Variants in HMGCS2 observed in about 807,000 individuals in gnomAD.
The protein encoded by HMGCS2 is hydroxymethylglutaryl-CoA synthase, mitochondrial.
In HMGCS2, 50 loss-of-function variants were observed where a neutral mutation model predicts 57.4. That is an observed-to-expected ratio of 0.87 (90% CI 0.69 to 1.10). The LOEUF (loss-of-function observed/expected upper bound fraction) is 1.10. Ranked by LOEUF, HMGCS2 falls within the 50% of genes least tolerant of loss-of-function variation. The pLI is 0.00. For synonymous variants in HMGCS2, 254 were observed against 245.1 expected, an observed-to-expected ratio of 1.04 and a Z score of -0.34; for missense variants, 627 against 636.5, an observed-to-expected ratio of 0.99 and a Z score of 0.16.
Position 119,757,355 on chromosome 1 carries a change from G to C in HMGCS2, c.934C>G (p.Leu312Val). The C allele has an allele frequency of 6.2e-7, 1 of 1,614,226 alleles. No individual in the cohort carries two copies. Among genetic ancestry groups the C allele is most frequent in the East Asian group, 2.2e-5 (1 of 44,888 alleles). The stretch of plus-strand genomic sequence containing the variant: ...AAGTCATTGAACATCAGGCGAGCCA[G>C]AGACTTCTGGACCATCTTGCAAAAG... The part of the protein sequence containing the change: ...TPFCKMVQKS[L>V]ARLMFNDFLS... Residue 312 changes from leucine to valine, a missense_variant, in exon 5 of 10, where the codon CTG becomes GTG. Physicochemically the swap from Leu to Val is conservative, Grantham distance 32 (BLOSUM62 1). Transcript: ENST00000369406.
chr1:119,768,696 A>G (rs774427224), intron 1 of HMGCS2, 45 bp downstream of exon 1: 1 of 1,413,054 alleles, frequency 7.1e-7, no homozygotes, highest in Non-Finnish European at 1.0e-6. Context: ...GCAGGGAAAA[A>G]CTATCTTTTA....
intron 2 of HMGCS2, among the ~76,000 whole-genome samples, chr1:119,761,506 C>T (rs1261535643): frequency 6.6e-6 from 1 of 152,068 alleles, no homozygotes; most frequent in East Asian, 1.9e-4. Context: ...TGGCTCACGC[C>T]TGTAATCCCA....
intron 1 of HMGCS2, among the ~76,000 whole-genome samples, chr1:119,766,412 T>G (rs145752253): frequency 5.9e-5 from 9 of 152,302 alleles, no homozygotes; most frequent in Admixed American, 1.3e-4. Context: ...TCAATCATCT[T>G]TGGGATTCTG....
At chr1:119,759,419 C>T in intron 3 of HMGCS2, 137 bp from the exon 4 acceptor site, 1 of 820,322 alleles carries the variant, frequency 1.2e-6, no homozygotes, top group Non-Finnish European at 2.0e-6. Flanking sequence ...TTCAACATCC[C>T]TTGCATATTC....
chr1:119,755,313 C>T, intron 6 of HMGCS2, 114 bp downstream of exon 6: 2 of 1,074,386 alleles, frequency 1.9e-6, no homozygotes, highest in Non-Finnish European at 2.9e-6. Flanking sequence ...AGGCCCCTTC[C>T]TTTCTTTTAA....
At position 119,767,668 on chromosome 1, in the gene HMGCS2, TA is replaced by T. The variant is rs770279169; in HGVS notation, c.104+1072del. Among the ~76,000 whole-genome samples, 305 of 152,302 alleles carry T rather than the reference TA, an allele frequency of 2.0e-3. 3 individuals carry two copies. The highest frequency in any genetic ancestry group is 0.014 in the Middle Eastern group (4 of 294). Reference sequence around the variant, plus strand: ...TGCATAATGGGATTAACTGTGAATATACCAGAAGGGAAATGGGAATGATTCC... The same window carrying T: ...TGCATAATGGGATTAACTGTGAATATCCAGAAGGGAAATGGGAATGATTCC... On this transcript the variant is annotated intron_variant, in intron 1 of 9. Transcript: ENST00000369406.
intron 6 of HMGCS2, 79 bp from the exon 7 acceptor site, chr1:119,753,465 T>G: frequency 1.3e-6 from 1 of 760,140 alleles, no homozygotes; most frequent in South Asian, 1.5e-5. Flanking sequence ...ATATATATAT[T>G]ATATTCTGCA....
At chr1:119,759,329 C>G (rs1461206448) in intron 3 of HMGCS2, 47 bp from the exon 4 acceptor site, 8 of 1,577,346 alleles carry the variant, frequency 5.1e-6, no homozygotes, top group Non-Finnish European at 6.1e-6. Context: ...ATGCAGCCTA[C>G]CTTGAGCACA....
chr1:119,764,832 T>C (rs1418804943), intron 1 of HMGCS2, among the ~76,000 whole-genome samples: 3 of 152,258 alleles, frequency 2.0e-5, no homozygotes, highest in Non-Finnish European at 2.9e-5. Context: ...GTGATATTCT[T>C]GGCATAAAGT....
chr1:119,768,344 T>C (rs939700837), intron 1 of HMGCS2, among the ~76,000 whole-genome samples: 2 of 152,170 alleles, frequency 1.3e-5, no homozygotes, highest in African/African-American at 2.4e-5. Context: ...TCTGCTGCAG[T>C]GATATAAAGT....
rs753575448 is a variant in HMGCS2 at position 119,750,810 on chromosome 1, G to T, written c.1519C>A (p.Pro507Thr). ...ACTCTCACTCACCACCTTTAGACGG[G>T]ACGCCGGGCATACTTTCGGCGATGC... ...EQHRRKYARRPV is the reference protein window; with the variant it reads ...EQHRRKYARRTV Residue 507 changes from proline to threonine, a missense_variant, in exon 9 of 10, where the codon CCC becomes ACC. Pro to Thr is a conservative substitution (Grantham distance 38). Coordinates refer to ENST00000369406, the MANE Select transcript of HMGCS2 (RefSeq NM_005518.4). 1.2e-6 allele frequency: 2 copies of T among 1,612,106 alleles called. No homozygotes were observed. The highest frequency in any genetic ancestry group is 1.7e-6 in the Non-Finnish European group (2 of 1,178,410).
In HMGCS2 at chr1:119,768,787, C is replaced by T. The variant is rs1332746126; in HGVS notation, c.58G>A (p.Glu20Lys). 1.9e-6 allele frequency: 3 copies of T among 1,614,092 alleles called. No homozygotes were observed. Among genetic ancestry groups the T allele is most frequent in the South Asian group, 2.2e-5 (2 of 91,074 alleles). The change falls in exon 1 of 10, where the codon GAA (glutamate) becomes AAA (lysine). Residue 20 changes from glutamate to lysine, a missense_variant. Glu to Lys is a moderately conservative substitution (Grantham distance 56). Transcript: ENST00000369406. ...AGGCGAGCAGGTGTGAGGGAGGTTT[C>T]CTGCACCGCTCTTGTCAGTTGCAGA... ...RILQLTRAVQETSLTPARLLP... is the reference protein window; with the variant it reads ...RILQLTRAVQKTSLTPARLLP...
rs1418038381 is a variant in HMGCS2 at position 119,748,004 on chromosome 1, T to C, written c.*843A>G. The C allele has an allele frequency of 6.6e-6, 1 of 152,242 alleles. No individual in the cohort carries two copies. Among genetic ancestry groups the C allele is most frequent in the African/African-American group, 2.4e-5 (1 of 41,456 alleles). 9.4% of individuals were successfully genotyped at this position (152,242 alleles called of 1,614,324 possible). ...TAATTTCCTGCCAGGCATCAAAATT[T>C]ATTTATTTTTTTATTTTTGGCTATA... On this transcript the variant is annotated 3_prime_UTR_variant, in exon 10 of 10. Transcript: ENST00000369406.
At chr1:119,760,118 T>C (rs1571038508) in intron 2 of HMGCS2, 129 bp from the exon 3 acceptor site, 1 of 860,988 alleles carries the variant, frequency 1.2e-6, no homozygotes, top group Admixed American at 2.1e-5. Flanking sequence ...ATCCCAGTCC[T>C]GTGGAGCTTA....
rs2289459 is a variant in HMGCS2 at position 119,768,855 on chromosome 1, G to A, written c.-11C>T. On this transcript the variant is annotated 5_prime_UTR_variant, in exon 1 of 10. Transcript: ENST00000369406. The stretch of plus-strand genomic sequence containing the variant: ...CAACAGACGCTGCATCTCCAGAGGA[G>A]CAAGCAGAAACCCAGCAGTTCAGAA... 2.4e-3 allele frequency: 3,839 copies of A among 1,602,450 alleles called. 98 individuals carry two copies. In the East Asian group the frequency reaches 0.06, roughly 25 times the overall value.
At chr1:119,756,164 T>C (rs1331937139) in intron 5 of HMGCS2, among the ~76,000 whole-genome samples, 1 of 152,170 alleles carries the variant, frequency 6.6e-6, no homozygotes, top group African/African-American at 2.4e-5. Context: ...CTACTGCCCA[T>C]TTTCCCACAG....
chr1:119,759,070 T>C, intron 4 of HMGCS2, 48 bp downstream of exon 4: 1 of 1,586,448 alleles, frequency 6.3e-7, no homozygotes, highest in Non-Finnish European at 8.7e-7. Flanking sequence ...TACAAACCCT[T>C]GGCCTATGTA....
intron 1 of HMGCS2, 68 bp from the exon 2 acceptor site, chr1:119,764,694 A>G: frequency 9.0e-7 from 1 of 1,105,942 alleles, no homozygotes; most frequent in Non-Finnish European, 1.4e-6. Flanking sequence ...AGACAGTAAC[A>G]TAGCAATCAT....
intron 1 of HMGCS2, among the ~76,000 whole-genome samples, chr1:119,768,418 G>A (rs2843018): frequency 0.51 from 77,551 of 152,002 alleles, 21,328 homozygotes; most frequent in African/African-American, 0.72. Flanking sequence ...GGCTAGGGGT[G>A]AAGGTGGGAA....
Sources: allele counts gnomAD v4.1 joint callset (sites outside exome capture counted in the v4.1 genomes callset), GRCh38; gene constraint gnomAD v4.1.1; transcripts MANE v1.5; gene names NCBI Gene and HGNC (gene_info 2026-07-23, HGNC 2026-07-21).